The following CSMD3 variants were observed in gnomAD, a reference collection of about 807,000 sequenced individuals.
CSMD3 encodes CUB and Sushi multiple domains 3.
Under a neutral mutation model 435.2 loss-of-function variants are expected in CSMD3, and 177 were observed. That is an observed-to-expected ratio of 0.41 (90% confidence interval 0.36 to 0.46). The LOEUF is 0.46. Ranked by LOEUF, CSMD3 falls within the 20% of genes least tolerant of loss-of-function variation. The pLI is 0.34. For synonymous variants in CSMD3, 1,656 were observed against 1,520.5 expected, an observed-to-expected ratio of 1.09 and a Z score of -2.07; for missense variants, 4,265 against 4,504.6, an observed-to-expected ratio of 0.95 and a Z score of 1.52.
intron 32 of CSMD3, among the ~76,000 whole-genome samples, chr8:112,424,689 T>TTATG (rs1201774519): frequency 1.3e-5 from 2 of 151,558 alleles, no homozygotes; most frequent in Non-Finnish European, 2.9e-5. Context: ...TTTTACTTAC[T>TTATG]TATTTATTTA....
chr8:112,654,541 G>A (rs190340565), intron 18 of CSMD3, among the ~76,000 whole-genome samples: 278 of 152,254 alleles, frequency 1.8e-3, no homozygotes, highest in African/African-American at 5.8e-3. Flanking sequence ...ACTAGCCCTC[G>A]AAAATAACTT....
At chr8:112,281,935 G>A (rs1271030315) in intron 58 of CSMD3, among the ~76,000 whole-genome samples, 1 of 151,940 alleles carries the variant, frequency 6.6e-6, no homozygotes, top group Admixed American at 6.6e-5. Flanking sequence ...TTTTCATTAA[G>A]TTTCAATATA....
At chr8:113,244,024 T>A (rs935896380) in intron 3 of CSMD3, among the ~76,000 whole-genome samples, 1 of 152,188 alleles carries the variant, frequency 6.6e-6, no homozygotes, top group Non-Finnish European at 1.5e-5. Flanking sequence ...TAGTCTTGTA[T>A]AGTATAGATT....
intron 11 of CSMD3, among the ~76,000 whole-genome samples, chr8:112,853,010 T>C (rs2080538610): frequency 6.6e-6 from 1 of 152,146 alleles, no homozygotes; most frequent in Non-Finnish European, 1.5e-5. Flanking sequence ...ATTAGTAATG[T>C]TATATATTTA....
chr8:113,276,989 C>G (rs1701912829), intron 3 of CSMD3, among the ~76,000 whole-genome samples: 1 of 151,904 alleles, frequency 6.6e-6, no homozygotes, highest in African/African-American at 2.4e-5. Flanking sequence ...GTTCATGAAA[C>G]CTGACAGCCA....
At chr8:113,424,443 T>G (rs1395741057) in intron 1 of CSMD3, among the ~76,000 whole-genome samples, 1 of 151,836 alleles carries the variant, frequency 6.6e-6, no homozygotes, top group Middle Eastern at 3.4e-3. Context: ...TATATTTAGC[T>G]AATTTTCTTG....
intron 13 of CSMD3, among the ~76,000 whole-genome samples, chr8:112,723,670 C>T (rs1432587694): frequency 6.6e-6 from 1 of 152,046 alleles, no homozygotes. Flanking sequence ...AAAGCAGAAG[C>T]TTTGGAGTCA....
intron 13 of CSMD3, among the ~76,000 whole-genome samples, chr8:112,690,841 A>G (rs1165057438): frequency 6.6e-6 from 1 of 152,076 alleles, no homozygotes; most frequent in African/African-American, 2.4e-5. Flanking sequence ...GTCACATAAA[A>G]TCTTAGTAAT....
intron 1 of CSMD3, among the ~76,000 whole-genome samples, chr8:113,422,168 T>C (rs1423980120): frequency 6.6e-6 from 1 of 152,176 alleles, no homozygotes; most frequent in Non-Finnish European, 1.5e-5. Flanking sequence ...GGCTTTTCTT[T>C]GAGTCTCTTT....
intron 50 of CSMD3, chr8:112,310,075 T>C (rs184125664): frequency 3.9e-5 from 6 of 152,322 alleles, no homozygotes; most frequent in African/African-American, 1.4e-4. Context: ...TAAAATAATA[T>C]AATGAATTAA....
At chr8:112,655,278 AATAAT>A (rs1459604861) in intron 18 of CSMD3, among the ~76,000 whole-genome samples, 2 of 152,046 alleles carry the variant, frequency 1.3e-5, no homozygotes, top group African/African-American at 2.4e-5. Flanking sequence ...TATTAAAATA[AATAAT>A]ATAATATCTG....
intron 12 of CSMD3, among the ~76,000 whole-genome samples, chr8:112,822,257 C>T (rs937299136): frequency 3.9e-5 from 6 of 152,080 alleles, no homozygotes; most frequent in Admixed American, 1.3e-4. Flanking sequence ...GCCATTTTCA[C>T]GATATTGATT....
At chr8:112,954,623 C>A in intron 8 of CSMD3, 61 bp downstream of exon 8, 1 of 1,040,360 alleles carries the variant, frequency 9.6e-7, no homozygotes, top group Non-Finnish European at 1.5e-6. Context: ...ATACAAACAA[C>A]ACAGACACCA....
At chr8:113,385,474 T>C (rs1251951485) in intron 1 of CSMD3, among the ~76,000 whole-genome samples, 1 of 152,106 alleles carries the variant, frequency 6.6e-6, no homozygotes, top group African/African-American at 2.4e-5. Flanking sequence ...TACATGCACC[T>C]TGAATGGTGT....
At chr8:112,365,468 CTTTTT>C (rs546920182) in intron 38 of CSMD3, among the ~76,000 whole-genome samples, 1,169 of 112,626 alleles carry the variant, frequency 0.01, 9 homozygotes, top group Non-Finnish European at 0.015. Context: ...CATAGATTTC[CTTTTT>C]TTTTTTTTTT....
At chr8:112,258,983 G>C (rs1432551468) in intron 61 of CSMD3, among the ~76,000 whole-genome samples, 1 of 151,996 alleles carries the variant, frequency 6.6e-6, no homozygotes, top group Non-Finnish European at 1.5e-5. Flanking sequence ...AGCTTGCAGT[G>C]AGCCGAGATC....
intron 1 of CSMD3, among the ~76,000 whole-genome samples, chr8:113,389,596 C>A (rs892458723): frequency 6.6e-6 from 1 of 151,680 alleles, no homozygotes; most frequent in Non-Finnish European, 1.5e-5. Context: ...CTTGAAGAAA[C>A]TAAATTGTAA....
intron 5 of CSMD3, among the ~76,000 whole-genome samples, chr8:113,087,179 C>T (rs919551397): frequency 2.6e-5 from 4 of 152,112 alleles, no homozygotes; most frequent in African/African-American, 9.7e-5. Flanking sequence ...CACCACAAAC[C>T]ACATACGTGG....
intron 5 of CSMD3, among the ~76,000 whole-genome samples, chr8:113,027,264 TG>T (rs1351033289): frequency 6.6e-6 from 1 of 152,152 alleles, no homozygotes; most frequent in Non-Finnish European, 1.5e-5. Context: ...CCATTGATAT[TG>T]TTCATTGCCT....
Sources: allele counts gnomAD v4.1 joint callset (sites outside exome capture counted in the v4.1 genomes callset), GRCh38; gene constraint gnomAD v4.1.1; transcripts MANE v1.5; gene names NCBI Gene and HGNC (gene_info 2026-07-23, HGNC 2026-07-21).